KCNIP4: variants seen among roughly 807,000 people sequenced by gnomAD.
KCNIP4 encodes the protein Kv channel-interacting protein 4.
In KCNIP4, 12 loss-of-function variants were observed where a neutral mutation model predicts 34.0. The ratio of observed to expected loss-of-function variants is 0.35; its 90% CI spans 0.23 to 0.57. The LOEUF is 0.57. Among genes scored for constraint, KCNIP4 ranks in the 20% least tolerant of loss-of-function variants. The pLI is 0.83. For synonymous variants in KCNIP4, 124 were observed against 102.2 expected (o/e 1.21, Z -1.29); for missense variants, 238 against 311.7 (o/e 0.76, Z 1.78).
At chr4:21,082,065 G>C (rs1272850805) in intron 1 of KCNIP4, among the ~76,000 whole-genome samples, 2 of 151,816 alleles carry the variant, frequency 1.3e-5, no homozygotes, top group African/African-American at 4.9e-5. Context: ...CTTTTTAGTG[G>C]ATATGAATTG....
chr4:21,919,653 G>A (rs1255235394), intron 1 of KCNIP4, among the ~76,000 whole-genome samples: 1 of 152,116 alleles, frequency 6.6e-6, no homozygotes, highest in East Asian at 1.9e-4. Context: ...ATAGCCCTTT[G>A]CCAAATACTC....
chr4:21,185,139 T>A (rs775276652), intron 1 of KCNIP4, among the ~76,000 whole-genome samples: 1 of 152,216 alleles, frequency 6.6e-6, no homozygotes, highest in African/African-American at 2.4e-5. Context: ...TTTAAAACAA[T>A]GTTTCATACT....
rs553065940 is a variant in KCNIP4, at chr4:21,237,966, T to A, written c.62-355257A>T. Among the ~76,000 whole-genome samples, 949 of 152,264 alleles carry A rather than the reference T, an allele frequency of 6.2e-3. 8 individuals are homozygous for A. Among genetic ancestry groups the A allele is most frequent in the Non-Finnish European group, 7.4e-3 (500 of 68,020 alleles). On this transcript the variant is annotated intron_variant, in intron 1 of 8. Coordinates refer to ENST00000382152, the MANE Select transcript of KCNIP4 (RefSeq NM_025221.6). ...GACCAATATCCTTGATGAACATTGATGCAAAAATCCTCAATAAAATACTGG... is the reference window on the plus strand; with the variant it reads ...GACCAATATCCTTGATGAACATTGAAGCAAAAATCCTCAATAAAATACTGG...
intron 1 of KCNIP4, among the ~76,000 whole-genome samples, chr4:21,241,808 T>C (rs972848899): frequency 2.0e-5 from 3 of 151,924 alleles, no homozygotes; most frequent in African/African-American, 4.8e-5. Context: ...CTATCAAAAG[T>C]GGTGTGGAAT....
chr4:21,361,032 T>C (rs1471492841), intron 1 of KCNIP4, among the ~76,000 whole-genome samples: 2 of 148,574 alleles, frequency 1.3e-5, no homozygotes, highest in African/African-American at 5.1e-5. Flanking sequence ...ATCATCATTA[T>C]CGTCATCATC....
At chr4:21,061,187 G>T (rs2108971972) in intron 1 of KCNIP4, among the ~76,000 whole-genome samples, 1 of 152,130 alleles carries the variant, frequency 6.6e-6, no homozygotes, top group South Asian at 2.1e-4. Flanking sequence ...TTTGTAATTT[G>T]CCTTTTTACA....
chr4:20,983,479 G>A (rs1736286544), intron 1 of KCNIP4, among the ~76,000 whole-genome samples: 1 of 152,050 alleles, frequency 6.6e-6, no homozygotes, highest in African/African-American at 2.4e-5. Context: ...TTAAGGTGTG[G>A]TAACCAACAT....
chr4:21,456,953 A>G (rs2109761838), intron 1 of KCNIP4, among the ~76,000 whole-genome samples: 1 of 152,104 alleles, frequency 6.6e-6, no homozygotes, highest in East Asian at 1.9e-4. Context: ...GGCTATCTTG[A>G]GCTGTTTTCA....
intron 1 of KCNIP4, among the ~76,000 whole-genome samples, chr4:21,589,313 C>A: frequency 7.5e-6 from 1 of 134,066 alleles, no homozygotes; most frequent in Non-Finnish European, 1.6e-5. Context: ...TACATATATA[C>A]ATGTACATAT....
intron 3 of KCNIP4, among the ~76,000 whole-genome samples, chr4:20,779,286 A>T (rs1049601418): frequency 1.3e-5 from 2 of 152,114 alleles, no homozygotes; most frequent in African/African-American, 4.8e-5. Flanking sequence ...AGCTGTAAGG[A>T]TGTATAGGCA....
Position 21,826,450 on chromosome 4 carries a change from C to G in KCNIP4, c.61+122121G>C, listed in dbSNP as rs115433194. 4.0e-3 allele frequency among the ~76,000 whole-genome samples: 608 copies of G among 152,074 alleles called. 3 individuals carry two copies. Among genetic ancestry groups the G allele is most frequent in the African/African-American group, 0.014 (577 of 41,510 alleles). On this transcript the variant is annotated intron_variant, in intron 1 of 8. Coordinates refer to ENST00000382152, the MANE Select transcript of KCNIP4 (RefSeq NM_025221.6). ...ACATTTCCCACTCAGATATCTTGATCGTAGCTTATTTGTGTATCACTAAAA... is the reference window on the plus strand; with the variant it reads ...ACATTTCCCACTCAGATATCTTGATGGTAGCTTATTTGTGTATCACTAAAA...
At chr4:21,074,617 T>A (rs1259773379) in intron 1 of KCNIP4, among the ~76,000 whole-genome samples, 1 of 152,066 alleles carries the variant, frequency 6.6e-6, no homozygotes, top group African/African-American at 2.4e-5. Flanking sequence ...TTTTGAAGGG[T>A]TTTTTGTGTC....
At chr4:21,191,449 A>G (rs997050036) in intron 1 of KCNIP4, among the ~76,000 whole-genome samples, 1 of 152,198 alleles carries the variant, frequency 6.6e-6, no homozygotes, top group African/African-American at 2.4e-5. Flanking sequence ...ATGCTACAAC[A>G]AAACCGCACA....
chr4:20,762,169 G>A (rs1199318003), intron 3 of KCNIP4, among the ~76,000 whole-genome samples: 1 of 152,160 alleles, frequency 6.6e-6, no homozygotes, highest in Non-Finnish European at 1.5e-5. Context: ...CCACATTCCT[G>A]GTTCATAGAT....
intron 1 of KCNIP4, among the ~76,000 whole-genome samples, chr4:21,065,298 G>A (rs1012863004): frequency 6.6e-5 from 10 of 152,102 alleles, no homozygotes; most frequent in African/African-American, 2.4e-4. Flanking sequence ...ATGAAAATGA[G>A]TATCTGGCAC....
chr4:21,298,615 A>G (rs2109233570), intron 1 of KCNIP4, among the ~76,000 whole-genome samples: 1 of 152,140 alleles, frequency 6.6e-6, no homozygotes, highest in South Asian at 2.1e-4. Context: ...GAGAATAAAC[A>G]TTTCTGTCTA....
intron 1 of KCNIP4, among the ~76,000 whole-genome samples, chr4:20,914,081 C>T (rs900260799): frequency 1.3e-5 from 2 of 151,696 alleles, no homozygotes; most frequent in South Asian, 2.1e-4. Context: ...CGCTTGAACC[C>T]GGGAGGAGGA....
chr4:21,355,955 T>C (rs902645730), intron 1 of KCNIP4, among the ~76,000 whole-genome samples: 5 of 152,242 alleles, frequency 3.3e-5, no homozygotes, highest in East Asian at 1.9e-4. Context: ...TTATCCACCA[T>C]GATCAAGTGG....
chr4:21,602,417 T>G (rs1256786543), intron 1 of KCNIP4, among the ~76,000 whole-genome samples: 2 of 152,088 alleles, frequency 1.3e-5, no homozygotes, highest in African/African-American at 4.8e-5. Context: ...AATGAACAAA[T>G]AAATCTGCTG....
Sources: allele counts gnomAD v4.1 joint callset (sites outside exome capture counted in the v4.1 genomes callset), GRCh38; gene constraint gnomAD v4.1.1; transcripts MANE v1.5; gene names NCBI Gene and HGNC (gene_info 2026-07-23, HGNC 2026-07-21).